Variants in ETFRF1 observed in about 807,000 individuals in gnomAD.
ETFRF1 encodes LYR motif containing 5.
ETFRF1 carries 12 observed loss-of-function variants against 9.0 expected under a neutral mutation model. The ratio of observed to expected loss-of-function variants is 1.34; its 90% confidence interval spans 0.86 to 2.16. The LOEUF (loss-of-function observed/expected upper bound fraction) is 2.16, where lower values mean the gene tolerates loss of function less well. ETFRF1 is among the 30% of genes most tolerant of loss of function. ETFRF1 has a pLI of 0.00. For missense variants in ETFRF1, 98 were observed against 101.8 expected, an observed-to-expected ratio of 0.96 and a Z score of 0.16; for synonymous variants, 34 against 33.2, an observed-to-expected ratio of 1.02 and a Z score of -0.08.
intron 1 of ETFRF1, chr12:25,203,665 T>C: frequency 3.5e-6 from 1 of 284,314 alleles, no homozygotes; most frequent in Non-Finnish European, 6.4e-6. Flanking sequence ...CAATCCACTT[T>C]CTCATTTCCT....
At chr12:25,201,109 C>A (rs1951070079) in intron 1 of ETFRF1, among the ~76,000 whole-genome samples, 1 of 152,208 alleles carries the variant, frequency 6.6e-6, no homozygotes, top group Non-Finnish European at 1.5e-5. Flanking sequence ...TTTTACCCTT[C>A]TTTTTCAACC....
chr12:25,199,615 TACATAC>T (rs764129323), intron 1 of ETFRF1, among the ~76,000 whole-genome samples: 7 of 111,292 alleles, frequency 6.3e-5, no homozygotes, highest in Non-Finnish European at 1.4e-4. Flanking sequence ...CATATATGTA[TACATAC>T]ACACACACAC....
At chr12:25,202,558 CA>C (rs1951083946) in intron 1 of ETFRF1, among the ~76,000 whole-genome samples, 1 of 151,876 alleles carries the variant, frequency 6.6e-6, no homozygotes, top group Non-Finnish European at 1.5e-5. Flanking sequence ...TGCTTGAGCC[CA>C]AGAAGGGTAG....
At chr12:25,203,858 C>A (rs1951098320) in intron 1 of ETFRF1, 62 bp from the exon 2 acceptor site, 4 of 965,488 alleles carry the variant, frequency 4.1e-6, no homozygotes, top group Non-Finnish European at 5.8e-6. Flanking sequence ...ATGTGTATAA[C>A]CTTTTTTTAT....
At chr12:25,198,988 G>T (rs897514906) in intron 1 of ETFRF1, among the ~76,000 whole-genome samples, 9 of 152,138 alleles carry the variant, frequency 5.9e-5, no homozygotes, top group African/African-American at 2.2e-4. Flanking sequence ...GGTTTAGATG[G>T]ATTTCTACTT....
At chr12:25,199,699 G>T (rs1951059730) in intron 1 of ETFRF1, among the ~76,000 whole-genome samples, 1 of 150,588 alleles carries the variant, frequency 6.6e-6, no homozygotes, top group African/African-American at 2.4e-5. Context: ...TATCCACAAA[G>T]GTTGCCTTGT....
chr12:25,204,013 T>A lies in ETFRF1; in HGVS notation c.51+6T>A. 6.6e-7 allele frequency: 1 copy of A among 1,516,518 alleles called. No homozygotes were observed. Among genetic ancestry groups the A allele is most frequent in the Non-Finnish European group, 8.8e-7 (1 of 1,132,030 alleles). The allele number at this position is 1,516,518 out of a possible 1,614,324, so 93.9% of individuals were successfully genotyped here. A position where few individuals can be genotyped will look rare whatever the true frequency, so the allele number is the denominator to read the frequency against. Reference sequence around the variant, plus strand: ...TACTAAAACTTTATAAAAATGTAAGTAATTATGTTGCCAATTTTATAAAAA... The same window carrying A: ...TACTAAAACTTTATAAAAATGTAAGAAATTATGTTGCCAATTTTATAAAAA... On this transcript the variant is annotated splice_donor_region_variant and intron_variant, in intron 2 of 2. Coordinates refer to ENST00000381356, the MANE Select transcript of ETFRF1 (RefSeq NM_001001660.3).
intron 1 of ETFRF1, among the ~76,000 whole-genome samples, chr12:25,197,208 G>C (rs780720752): frequency 4.6e-5 from 7 of 151,316 alleles, no homozygotes; most frequent in Non-Finnish European, 7.4e-5. Flanking sequence ...TATCAAAGAA[G>C]AACAAATTTG....
intron 1 of ETFRF1, among the ~76,000 whole-genome samples, chr12:25,198,167 T>C (rs1951045710): frequency 6.6e-6 from 1 of 152,208 alleles, no homozygotes; most frequent in Non-Finnish European, 1.5e-5. Context: ...GGTTTATTTC[T>C]GGACAAAGTA....
chr12:25,200,498 G>A (rs116500767), intron 1 of ETFRF1, among the ~76,000 whole-genome samples: 1 of 152,118 alleles, frequency 6.6e-6, no homozygotes, highest in Non-Finnish European at 1.5e-5. Flanking sequence ...AGTTTCTGGG[G>A]AGAGAGAGAA....
rs568753362 is a variant in ETFRF1 at position 25,204,281 on chromosome 12, G to A, written c.242G>A (p.Arg81His). 1.9e-5 allele frequency: 30 copies of A among 1,584,210 alleles called. No homozygotes were observed. Among genetic ancestry groups the A allele is most frequent in the Middle Eastern group, 1.7e-4 (1 of 5,894 alleles). The change falls in exon 3 of 3, where the codon CGC (arginine) becomes CAC (histidine). Residue 81 changes from arginine to histidine, a missense_variant. Physicochemically the swap from Arg to His is conservative, Grantham distance 29. Coordinates refer to ENST00000381356, the MANE Select transcript of ETFRF1 (RefSeq NM_001001660.3). ...AGGAAATACAGAGCTATGAAACAAC[G>A]CTATTATTCAGATACCAACAAAACT... ...FLRKYRAMKQ[R>H]YYSDTNKTN
rs917281310 is a variant in ETFRF1, at chr12:25,205,015, AT to A, written c.*710del. 9.6e-6 allele frequency: 2 copies of A among 208,474 alleles called. No individual in the cohort carries two copies. The highest frequency in any genetic ancestry group is 7.3e-5 in the East Asian group (1 of 13,688). 12.9% of individuals were successfully genotyped at this position (208,474 alleles called of 1,614,324 possible). A position where few individuals can be genotyped will look rare whatever the true frequency, so the allele number is the denominator to read the frequency against. ...GGAAATAAATAAATAATGTTATCCT[AT>A]TTTTTTGTCATAAAGGCAGATTTGT... On this transcript the variant is annotated 3_prime_UTR_variant, in exon 3 of 3. Coordinates refer to ENST00000381356, the MANE Select transcript of ETFRF1 (RefSeq NM_001001660.3).
At chr12:25,200,901 C>G (rs547073312) in intron 1 of ETFRF1, among the ~76,000 whole-genome samples, 4 of 152,354 alleles carry the variant, frequency 2.6e-5, no homozygotes, top group Admixed American at 1.3e-4. Flanking sequence ...AGTCCAGAAT[C>G]AAGCAGCATG....
At chr12:25,203,525 T>C (rs886442000) in intron 1 of ETFRF1, among the ~76,000 whole-genome samples, 5 of 147,366 alleles carry the variant, frequency 3.4e-5, no homozygotes, top group African/African-American at 1.3e-4. Context: ...GATAATCTCT[T>C]GTTTGTTGAT....
chr12:25,195,388 G>A (rs1232887984), intron 1 of ETFRF1, 51 bp downstream of exon 1: 15 of 563,128 alleles, frequency 2.7e-5, no homozygotes, highest in Non-Finnish European at 3.8e-5. Context: ...CGGATCCTGG[G>A]GTCTGGAGGC....
intron 1 of ETFRF1, among the ~76,000 whole-genome samples, chr12:25,200,508 A>G (rs943858165): frequency 4.6e-5 from 7 of 152,198 alleles, no homozygotes; most frequent in African/African-American, 1.7e-4. Flanking sequence ...GAGAGAGAGA[A>G]AAAATACATC....
chr12:25,203,713 T>C (rs1384991929), intron 1 of ETFRF1: 6 of 350,948 alleles, frequency 1.7e-5, no homozygotes, highest in African/African-American at 1.1e-4. Context: ...TCTTTGCTTA[T>C]GTCTCCCATA....
rs1206752890 is a variant in ETFRF1, at chr12:25,204,816, GAAAT to G, written c.*511_*514del. On this transcript the variant is annotated 3_prime_UTR_variant, in exon 3 of 3. Coordinates refer to ENST00000381356, the MANE Select transcript of ETFRF1 (RefSeq NM_001001660.3). Reference sequence around the variant, plus strand: ...TGGTAATGATTTAAATGTAGTTATAGAAATAAATAATATGTATGGAGTCATTACT... The same window carrying G: ...TGGTAATGATTTAAATGTAGTTATAGAAATAATATGTATGGAGTCATTACT... 27 of 189,048 alleles carry G rather than the reference GAAAT, an allele frequency of 1.4e-4. No individual in the cohort carries two copies. The highest frequency in any genetic ancestry group is 4.9e-4 in the African/African-American group (21 of 42,872). The allele number at this position is 189,048 out of a possible 1,614,324, so 11.7% of individuals were successfully genotyped here.
intron 1 of ETFRF1, chr12:25,196,261 A>G (rs561855084): frequency 6.6e-6 from 1 of 152,368 alleles, no homozygotes; most frequent in African/African-American, 2.4e-5. Context: ...GACTTCGTAC[A>G]GAGTTCTTAC....
Sources: gnomAD v4.1 joint callset for allele counts (sites outside exome capture counted in the v4.1 genomes callset) on GRCh38, gnomAD v4.1.1 for gene constraint, MANE v1.5 for transcripts, NCBI Gene and HGNC (gene_info 2026-07-23, HGNC 2026-07-21) for gene names.